TSPAN12: variants seen among roughly 807,000 people sequenced by gnomAD.
The protein encoded by TSPAN12 is tetraspanin-12.
Under a neutral mutation model 39.2 loss-of-function variants are expected in TSPAN12, and 19 were observed. The ratio of observed to expected loss-of-function variants is 0.49; its 90% confidence interval spans 0.34 to 0.71. The LOEUF is 0.71. TSPAN12 is among the 30% of genes least tolerant of loss of function. The pLI, the probability that TSPAN12 is intolerant of heterozygous loss-of-function variation, is 0.01. For missense variants in TSPAN12, 314 were observed against 359.9 expected (o/e 0.87, Z 1.03); for synonymous variants, 119 against 124.8 (o/e 0.95, Z 0.31).
intron 7 of TSPAN12, among the ~76,000 whole-genome samples, chr7:120,796,767 T>C (rs1793639845): frequency 6.6e-6 from 1 of 152,212 alleles, no homozygotes; most frequent in African/African-American, 2.4e-5. Flanking sequence ...TTGCCTCATG[T>C]ACACTGATGA....
At chr7:120,793,342 C>T (rs956069527) in intron 7 of TSPAN12, among the ~76,000 whole-genome samples, 1 of 152,120 alleles carries the variant, frequency 6.6e-6, no homozygotes, top group Admixed American at 6.5e-5. Flanking sequence ...TTTTCGGTTG[C>T]CCAGAAATGT....
intron 3 of TSPAN12, 115 bp downstream of exon 3, chr7:120,839,912 T>C: frequency 2.5e-6 from 2 of 793,706 alleles, no homozygotes; most frequent in Non-Finnish European, 4.4e-6. Flanking sequence ...AAGGTTGCTA[T>C]GGGCAGGAAA....
At chr7:120,846,943 C>A (rs1794680560) in intron 2 of TSPAN12, among the ~76,000 whole-genome samples, 2 of 152,090 alleles carry the variant, frequency 1.3e-5, no homozygotes, top group South Asian at 2.1e-4. Context: ...TCAGAAAGAA[C>A]AAAGGCCCCA....
chr7:120,813,897 T>C (rs114736355), intron 5 of TSPAN12: 207 of 159,310 alleles, frequency 1.3e-3, no homozygotes, highest in African/African-American at 4.5e-3. Flanking sequence ...AGCAAACAAA[T>C]TCCTATATTA....
intron 2 of TSPAN12, among the ~76,000 whole-genome samples, chr7:120,849,477 G>T (rs1794731524): frequency 6.6e-6 from 1 of 152,134 alleles, no homozygotes; most frequent in Admixed American, 6.6e-5. Flanking sequence ...TCTTTAAACT[G>T]TCTGCCATCT....
At chr7:120,823,280 A>G (rs1794222927) in intron 4 of TSPAN12, among the ~76,000 whole-genome samples, 1 of 151,458 alleles carries the variant, frequency 6.6e-6, no homozygotes, top group African/African-American at 2.4e-5. Context: ...AGGCTGGAGC[A>G]GGTCTAGAAT....
chr7:120,821,640 G>A (rs983610899), intron 4 of TSPAN12, among the ~76,000 whole-genome samples: 1 of 152,094 alleles, frequency 6.6e-6, no homozygotes, highest in Non-Finnish European at 1.5e-5. Context: ...TTCCTTGTAA[G>A]CACTTCCTAA....
chr7:120,857,410 A>T (rs1356020324), intron 1 of TSPAN12: 2 of 149,566 alleles, frequency 1.3e-5, no homozygotes, highest in African/African-American at 5.2e-5. Flanking sequence ...GGCAGCGCGG[A>T]GTTGAGATTC....
chr7:120,832,222 G>A (rs1639009612), intron 4 of TSPAN12, among the ~76,000 whole-genome samples: 1 of 152,186 alleles, frequency 6.6e-6, no homozygotes, highest in Non-Finnish European at 1.5e-5. Flanking sequence ...TTCTGGGGAT[G>A]ATAATGTAAT....
chr7:120,806,499 AT>A, intron 7 of TSPAN12, 49 bp downstream of exon 7: 1 of 1,598,002 alleles, frequency 6.3e-7, no homozygotes, highest in South Asian at 1.1e-5. Context: ...CTTTAAAGTT[AT>A]TCCTAAGAAA....
At chr7:120,795,397 C>T (rs1268464100) in intron 7 of TSPAN12, among the ~76,000 whole-genome samples, 1 of 152,174 alleles carries the variant, frequency 6.6e-6, no homozygotes, top group Non-Finnish European at 1.5e-5. Context: ...AAATCCCCTA[C>T]ATTTCCTGGA....
chr7:120,793,440 G>C (rs1302342493), intron 7 of TSPAN12, among the ~76,000 whole-genome samples: 1 of 152,136 alleles, frequency 6.6e-6, no homozygotes, highest in African/African-American at 2.4e-5. Context: ...TCACACTCAG[G>C]TAGGCAAGTA....
chr7:120,819,594 ATTAAAT>A (rs1794150690), intron 4 of TSPAN12, among the ~76,000 whole-genome samples: 1 of 152,198 alleles, frequency 6.6e-6, no homozygotes, highest in Non-Finnish European at 1.5e-5. Flanking sequence ...CTTGGAATAA[ATTAAAT>A]TTAAAATTTG....
intron 6 of TSPAN12, among the ~76,000 whole-genome samples, chr7:120,808,108 A>G (rs1289638360): frequency 2.0e-5 from 3 of 152,126 alleles, no homozygotes; most frequent in Non-Finnish European, 2.9e-5. Context: ...CTCCTTTGCT[A>G]ATGACATGAG....
chr7:120,804,147 T>C (rs1037386368), intron 7 of TSPAN12, among the ~76,000 whole-genome samples: 1 of 152,116 alleles, frequency 6.6e-6, no homozygotes, highest in Non-Finnish European at 1.5e-5. Flanking sequence ...AACTAACAAA[T>C]GGACAATTCA....
chr7:120,842,178 C>T (rs1472221880), intron 2 of TSPAN12, among the ~76,000 whole-genome samples: 1 of 152,162 alleles, frequency 6.6e-6, no homozygotes. Context: ...GGCCATGAAA[C>T]GTGCTTTCTG....
At chr7:120,826,731 A>T (rs547328859) in intron 4 of TSPAN12, among the ~76,000 whole-genome samples, 1 of 151,920 alleles carries the variant, frequency 6.6e-6, no homozygotes, top group South Asian at 2.1e-4. Context: ...TTTTTATTAA[A>T]TTTTTTTTGG....
chr7:120,827,978 G>C (rs149542381), intron 4 of TSPAN12, among the ~76,000 whole-genome samples: 7 of 152,238 alleles, frequency 4.6e-5, no homozygotes, highest in African/African-American at 1.7e-4. Context: ...ATTTAGCTTA[G>C]TCAGTATATT....
At chr7:120,843,047 A>G (rs1259567909) in intron 2 of TSPAN12, among the ~76,000 whole-genome samples, 1 of 152,130 alleles carries the variant, frequency 6.6e-6, no homozygotes, top group Non-Finnish European at 1.5e-5. Context: ...TCCACAAATT[A>G]GAATACAGTT....
Sources: allele counts gnomAD v4.1 joint callset (sites outside exome capture counted in the v4.1 genomes callset), GRCh38; gene constraint gnomAD v4.1.1; transcripts MANE v1.5; gene names NCBI Gene and HGNC (gene_info 2026-07-23, HGNC 2026-07-21).